The following MACROD1 variants were observed in gnomAD, a reference collection of about 807,000 sequenced individuals.
The protein encoded by MACROD1 is ADP-ribose glycohydrolase MACROD1.
In MACROD1, 31 loss-of-function variants were observed where a neutral mutation model predicts 41.4. The ratio of observed to expected loss-of-function variants is 0.75; its 90% CI spans 0.56 to 1.01. The LOEUF (loss-of-function observed/expected upper bound fraction) is 1.01, where lower values mean the gene tolerates loss of function less well. Among genes scored for constraint, MACROD1 ranks in the 50% least tolerant of loss-of-function variants. MACROD1 has a pLI of 0.00. For missense variants in MACROD1, 473 were observed against 460.0 expected (o/e 1.03, Z -0.26); for synonymous variants, 252 against 203.4 (o/e 1.24, Z -2.03).
chr11:63,999,422 G>GGAGT lies in MACROD1; in HGVS notation c.818-22_818-19dup. The stretch of plus-strand genomic sequence containing the variant: ...GGGGTAGCCTGAGGCGGGTGGGGCG[G>GGAGT]GAGTGAGTCCTAGGCTCTGGCCCCG... On this transcript the variant is annotated intron_variant, in intron 7 of 10. Coordinates refer to ENST00000255681, the MANE Select transcript of MACROD1 (RefSeq NM_014067.4). 1 of 1,563,270 alleles carries GGAGT rather than the reference G, an allele frequency of 6.4e-7. No individual in the cohort carries two copies. Among genetic ancestry groups the GGAGT allele is most frequent in the Non-Finnish European group, 8.6e-7 (1 of 1,157,128 alleles).
At chr11:64,164,710 A>AC (rs1000859641) in intron 1 of MACROD1, among the ~76,000 whole-genome samples, 60 of 150,102 alleles carry the variant, frequency 4.0e-4, no homozygotes, top group South Asian at 1.3e-3. Context: ...ACACCGCAGG[A>AC]CCCCCCCATC....
At chr11:64,116,731 A>G (rs1321067304) in intron 3 of MACROD1, 2 of 1,613,664 alleles carry the variant, frequency 1.2e-6, no homozygotes. Flanking sequence ...CTGCTGGAGA[A>G]GCTGCACCTG....
Position 63,998,955 on chromosome 11 carries a change from C to T in MACROD1, c.973G>A (p.Ala325Thr). 6.3e-7 allele frequency: 1 copy of T among 1,598,246 alleles called. No homozygotes were observed. The highest frequency in any genetic ancestry group is 8.5e-7 in the Non-Finnish European group (1 of 1,174,016). Reference protein sequence around the residue: ...RSRLPHYFPVA With the variant: ...RSRLPHYFPVT ...CCGTGGGGCGGCGCGGGGCACGTAC[C>T]CACGGGGAAGTAGTGGGGGAGCCGG... The change falls in exon 9 of 11, where the codon GCC becomes ACC. Residue 325 changes from alanine to threonine, a missense_variant and splice_region_variant. Transcript: ENST00000255681.
At chr11:64,155,569 C>G (rs1945654613) in intron 1 of MACROD1, among the ~76,000 whole-genome samples, 1 of 152,226 alleles carries the variant, frequency 6.6e-6, no homozygotes, top group African/African-American at 2.4e-5. Context: ...AAAGTGCGGT[C>G]TACACGCCAG....
intron 3 of MACROD1, among the ~76,000 whole-genome samples, chr11:64,132,811 G>A (rs751794820): frequency 2.0e-4 from 30 of 152,318 alleles, no homozygotes; most frequent in South Asian, 6.2e-4. Flanking sequence ...GGTGCCAGGC[G>A]CCAGGCATCT....
At chr11:64,101,706 G>A (rs1402143343) in intron 3 of MACROD1, among the ~76,000 whole-genome samples, 6 of 152,206 alleles carry the variant, frequency 3.9e-5, no homozygotes, top group East Asian at 3.8e-4. Context: ...CTCCCGCCGC[G>A]TGCAGGGACT....
chr11:64,042,474 A>T (rs1279160763), intron 3 of MACROD1, among the ~76,000 whole-genome samples: 1 of 152,144 alleles, frequency 6.6e-6, no homozygotes, highest in Non-Finnish European at 1.5e-5. Context: ...CTGCTCCAAT[A>T]GAGGAGGCCC....
chr11:64,110,726 T>C (rs1944847037), intron 3 of MACROD1, among the ~76,000 whole-genome samples: 1 of 151,884 alleles, frequency 6.6e-6, no homozygotes, highest in African/African-American at 2.4e-5. Context: ...CACGCTGAAG[T>C]CTGAGGGATC....
intron 3 of MACROD1, among the ~76,000 whole-genome samples, chr11:64,108,918 C>G (rs1372857912): frequency 6.6e-6 from 1 of 152,140 alleles, no homozygotes. Context: ...ACATGGGCAG[C>G]CAGATTCCTA....
chr11:64,038,302 C>G (rs1286903033), intron 3 of MACROD1, among the ~76,000 whole-genome samples: 1 of 152,214 alleles, frequency 6.6e-6, no homozygotes, highest in African/African-American at 2.4e-5. Context: ...AGCCTCCCCT[C>G]TGGGACCGGC....
At chr11:64,011,912 A>C (rs1052731430) in intron 4 of MACROD1, among the ~76,000 whole-genome samples, 1 of 152,024 alleles carries the variant, frequency 6.6e-6, no homozygotes, top group South Asian at 2.1e-4. Flanking sequence ...TGGGAGGAGC[A>C]GGGGTATAGG....
chr11:64,107,055 T>G (rs2508214), intron 3 of MACROD1, among the ~76,000 whole-genome samples: 3 of 152,170 alleles, frequency 2.0e-5, no homozygotes, highest in African/African-American at 7.2e-5. Flanking sequence ...AGCTAATTTT[T>G]GTATTTTTAG....
At position 64,166,042 on chromosome 11, in the gene MACROD1, G is replaced by A. The variant is rs969308651; in HGVS notation, c.-48C>T. On this transcript the variant is annotated 5_prime_UTR_variant, in exon 1 of 11. Transcript: ENST00000255681. ...CTCCGCCCACTTGGACTCTATTTAC[G>A]GCGCTCGGGAGTGTCTCTCCCTTAT... 9 of 1,243,510 alleles carry A rather than the reference G, an allele frequency of 7.2e-6. No homozygotes were observed. The highest frequency in any genetic ancestry group is 9.0e-6 in the Non-Finnish European group (9 of 995,766). The allele number at this position is 1,243,510 out of a possible 1,614,324, so 77.0% of individuals were successfully genotyped here.
At chr11:64,014,107 G>A (rs989928632) in intron 4 of MACROD1, among the ~76,000 whole-genome samples, 2 of 152,144 alleles carry the variant, frequency 1.3e-5, no homozygotes, top group Non-Finnish European at 2.9e-5. Flanking sequence ...CACCCAGCTC[G>A]GGGCCCGGCA....
At chr11:64,144,381 C>G (rs1945461471) in intron 3 of MACROD1, among the ~76,000 whole-genome samples, 1 of 152,222 alleles carries the variant, frequency 6.6e-6, no homozygotes, top group Non-Finnish European at 1.5e-5. Flanking sequence ...CCCAGGCCCA[C>G]CCCACGGCGT....
In MACROD1 at chr11:64,117,320, C is replaced by T. The variant is rs536649408; in HGVS notation, c.517+33919G>A. 2.6e-5 allele frequency: 42 copies of T among 1,614,120 alleles called. No individual in the cohort carries two copies. In the South Asian group the frequency reaches 3.1e-4, roughly 12 times the overall value. On this transcript the variant is annotated intron_variant, in intron 3 of 10. Coordinates refer to ENST00000255681, the MANE Select transcript of MACROD1 (RefSeq NM_014067.4). The stretch of plus-strand genomic sequence containing the variant: ...TGAAGGCACGGGCGGCCGTGGTCAA[C>T]GTGCGGGGCCTCATGTGCCAGGGCC...
chr11:64,126,364 T>C (rs571459715), intron 3 of MACROD1, among the ~76,000 whole-genome samples: 2 of 151,010 alleles, frequency 1.3e-5, no homozygotes, highest in South Asian at 2.1e-4. Context: ...TGACGGAGGG[T>C]GGAGTGGTGT....
chr11:64,077,583 A>G (rs1944225818), intron 3 of MACROD1, among the ~76,000 whole-genome samples: 1 of 152,156 alleles, frequency 6.6e-6, no homozygotes, highest in Admixed American at 6.5e-5. Flanking sequence ...GCACATGTGC[A>G]CACATTCCAC....
chr11:64,091,542 C>T (rs1240996014), intron 3 of MACROD1, among the ~76,000 whole-genome samples: 1 of 152,026 alleles, frequency 6.6e-6, no homozygotes, highest in Non-Finnish European at 1.5e-5. Flanking sequence ...AGGTGCATGC[C>T]CAGGGAGAGC....
Sources: gnomAD v4.1 joint callset for allele counts (sites outside exome capture counted in the v4.1 genomes callset) on GRCh38, gnomAD v4.1.1 for gene constraint, MANE v1.5 for transcripts, NCBI Gene and HGNC (gene_info 2026-07-23, HGNC 2026-07-21) for gene names.